Variants in ARHGAP28 observed in about 807,000 individuals in gnomAD.
The protein encoded by ARHGAP28 is rho GTPase-activating protein 28.
In ARHGAP28, 56 loss-of-function variants were observed where a neutral mutation model predicts 90.7. That is an observed-to-expected ratio of 0.62 (90% CI 0.50 to 0.77). The LOEUF is 0.77. ARHGAP28 is among the 30% of genes least tolerant of loss of function. The probability of loss-of-function intolerance (pLI) is 0.00; values close to 1 mark genes in which losing one functional copy is unlikely to be tolerated. For missense variants in ARHGAP28, 869 were observed against 900.9 expected, an observed-to-expected ratio of 0.96 and a Z score of 0.45; for synonymous variants, 308 against 323.3, an observed-to-expected ratio of 0.95 and a Z score of 0.51.
intron 16 of ARHGAP28, 44 bp from the exon 17 acceptor site, chr18:6,908,916 C>A: frequency 1.7e-6 from 2 of 1,202,648 alleles, no homozygotes; most frequent in Non-Finnish European, 2.4e-6. Flanking sequence ...TACCTCAGAT[C>A]AGGAAAAAGT....
At chr18:6,759,375 G>A (rs2056139966) in intron 1 of ARHGAP28, among the ~76,000 whole-genome samples, 1 of 152,176 alleles carries the variant, frequency 6.6e-6, no homozygotes, top group East Asian at 1.9e-4. Context: ...CCTGTGTTTA[G>A]ATGTAGTTTT....
chr18:6,762,536 C>T (rs1333916474), intron 1 of ARHGAP28, among the ~76,000 whole-genome samples: 1 of 152,182 alleles, frequency 6.6e-6, no homozygotes, highest in Non-Finnish European at 1.5e-5. Context: ...CTGTGCCTCC[C>T]CCATTTTTAT....
In ARHGAP28 at chr18:6,817,332, C is replaced by A. The variant is rs534035017; in HGVS notation, c.123-7430C>A. ...AGACTCCATTCCAAAAACAAACAAA[C>A]AAAAAAAAAACAAAACAAAACAAGA... On this transcript the variant is annotated intron_variant, in intron 1 of 17. Transcript: ENST00000383472. Among the ~76,000 whole-genome samples, 118 of 147,876 alleles carry A rather than the reference C, an allele frequency of 8.0e-4. No individual in the cohort carries two copies. In the East Asian group the frequency reaches 0.015, roughly 18 times the overall value.
intron 1 of ARHGAP28, among the ~76,000 whole-genome samples, chr18:6,753,417 G>T (rs1364584108): frequency 2.6e-5 from 4 of 152,174 alleles, no homozygotes; most frequent in African/African-American, 9.7e-5. Flanking sequence ...ATCAAATTGA[G>T]ATCAACTGTA....
At chr18:6,902,145 C>T (rs964662487) in intron 16 of ARHGAP28, among the ~76,000 whole-genome samples, 5 of 152,036 alleles carry the variant, frequency 3.3e-5, no homozygotes, top group Admixed American at 2.6e-4. Context: ...TGTTCAGCAC[C>T]GTGCAATTAC....
intron 1 of ARHGAP28, among the ~76,000 whole-genome samples, chr18:6,738,216 A>T (rs1490997383): frequency 6.6e-6 from 1 of 152,116 alleles, no homozygotes; most frequent in African/African-American, 2.4e-5. Context: ...TTGGGTACTG[A>T]TTATCTTTTA....
At chr18:6,841,203 C>CTCTCTCTCTCTCTCTCTCTCTCTCTCTCT (rs754874496) in intron 3 of ARHGAP28, among the ~76,000 whole-genome samples, 3 of 41,968 alleles carry the variant, frequency 7.1e-5, no homozygotes, top group African/African-American at 3.5e-4. Flanking sequence ...CTCTCTCTCT[C>CTCTCTCTCTCTCTCTCTCTCTCTCTCTCT]CTCTCCTCTC....
At chr18:6,807,751 G>C (rs2056529166) in intron 1 of ARHGAP28, among the ~76,000 whole-genome samples, 1 of 152,072 alleles carries the variant, frequency 6.6e-6, no homozygotes. Context: ...GGCTTGACGG[G>C]GCTCCTCTGA....
chr18:6,792,498 G>T (rs932340552), intron 1 of ARHGAP28, among the ~76,000 whole-genome samples: 6 of 152,168 alleles, frequency 3.9e-5, no homozygotes, highest in Non-Finnish European at 7.4e-5. Flanking sequence ...ATGCAGTACT[G>T]TCCATGCATT....
intron 16 of ARHGAP28, among the ~76,000 whole-genome samples, chr18:6,904,030 G>T (rs1315006844): frequency 6.6e-6 from 1 of 152,180 alleles, no homozygotes; most frequent in African/African-American, 2.4e-5. Context: ...TAGATAATCT[G>T]CAGGTCAAAT....
intron 2 of ARHGAP28, 31 bp from the exon 3 acceptor site, chr18:6,837,166 C>G (rs2056760131): frequency 4.7e-6 from 7 of 1,491,808 alleles, no homozygotes; most frequent in Non-Finnish European, 5.4e-6. Context: ...AGAAAATATT[C>G]TAACCCTCTC....
intron 2 of ARHGAP28, among the ~76,000 whole-genome samples, chr18:6,826,358 T>TATAA (rs1382731011): frequency 8.5e-5 from 13 of 152,252 alleles, no homozygotes; most frequent in African/African-American, 2.9e-4. Context: ...TTTAAACTCC[T>TATAA]TATAGATTCT....
At chr18:6,863,333 A>G (rs952304402) in intron 5 of ARHGAP28, among the ~76,000 whole-genome samples, 2 of 151,946 alleles carry the variant, frequency 1.3e-5, no homozygotes, top group Non-Finnish European at 2.9e-5. Context: ...GTTAAGATGA[A>G]TGTAATGTTT....
At chr18:6,742,701 A>C (rs2055990017) in intron 1 of ARHGAP28, among the ~76,000 whole-genome samples, 1 of 152,186 alleles carries the variant, frequency 6.6e-6, no homozygotes, top group Non-Finnish European at 1.5e-5. Flanking sequence ...AGACTTCAGC[A>C]TTTGGGGGAT....
At chr18:6,769,490 C>T (rs940601812) in intron 1 of ARHGAP28, among the ~76,000 whole-genome samples, 7 of 152,124 alleles carry the variant, frequency 4.6e-5, no homozygotes, top group South Asian at 2.1e-4. Context: ...CTTCCAAAAG[C>T]GAGGAACTCT....
At chr18:6,742,524 G>A (rs1039644302) in intron 1 of ARHGAP28, among the ~76,000 whole-genome samples, 1 of 152,132 alleles carries the variant, frequency 6.6e-6, no homozygotes, top group Non-Finnish European at 1.5e-5. Context: ...AATTGTGGTG[G>A]ATGAGCAGAT....
intron 5 of ARHGAP28, 72 bp downstream of exon 5, chr18:6,859,969 T>C (rs1367807014): frequency 3.9e-5 from 52 of 1,317,532 alleles, no homozygotes; most frequent in Non-Finnish European, 2.2e-6. Context: ...TGTAGGAAGG[T>C]AAGAAGAAGC....
intron 11 of ARHGAP28, among the ~76,000 whole-genome samples, chr18:6,884,770 A>G (rs1258124576): frequency 6.6e-6 from 1 of 152,166 alleles, no homozygotes; most frequent in East Asian, 1.9e-4. Context: ...CCATCTCTGG[A>G]TCACTCATTT....
In ARHGAP28 at chr18:6,782,592, A is replaced by ATTTTTT. The variant is rs10602816; in HGVS notation, c.123-42138_123-42133dup. On this transcript the variant is annotated intron_variant, in intron 1 of 17. Coordinates refer to ENST00000383472, the MANE Select transcript of ARHGAP28 (RefSeq NM_001366230.1). ...GCCATCACGCCCAGCTAATTTTTGT[A>ATTTTTT]TTTTTTTTTTTTTTTTTTTTTTTTT... Among the ~76,000 whole-genome samples the ATTTTTT allele has an allele frequency of 1.9e-3, 50 of 26,686 alleles. 15 individuals carry two copies. Among genetic ancestry groups the ATTTTTT allele is most frequent in the Non-Finnish European group, 2.8e-3 (35 of 12,334 alleles). The allele number at this position is 26,686 out of a possible 152,430, so 17.5% of individuals were successfully genotyped here.
Sources: gnomAD v4.1 joint callset for allele counts (sites outside exome capture counted in the v4.1 genomes callset) on GRCh38, gnomAD v4.1.1 for gene constraint, MANE v1.5 for transcripts, NCBI Gene and HGNC (gene_info 2026-07-23, HGNC 2026-07-21) for gene names.